CNBD1: variants seen among roughly 807,000 people sequenced by gnomAD.
The protein encoded by CNBD1 is cyclic nucleotide binding domain containing 1.
Under a neutral mutation model 54.4 loss-of-function variants are expected in CNBD1, and 71 were observed. The observed-to-expected ratio is 1.30, with a 90% CI of 1.08 to 1.59. The LOEUF (loss-of-function observed/expected upper bound fraction) is 1.59. Among genes scored for constraint, CNBD1 ranks in the 40% most tolerant of loss-of-function variants. The pLI, the probability that CNBD1 is intolerant of heterozygous loss-of-function variation, is 0.00. For synonymous variants in CNBD1, 182 were observed against 170.7 expected (o/e 1.07, Z -0.51); for missense variants, 659 against 518.0 (o/e 1.27, Z -2.64).
chr8:87,111,063 C>T (rs894941335), intron 4 of CNBD1, among the ~76,000 whole-genome samples: 8 of 152,184 alleles, frequency 5.3e-5, no homozygotes, highest in Non-Finnish European at 1.2e-4. Context: ...ATAATGAGAG[C>T]TATCACTTCT....
intron 2 of CNBD1, among the ~76,000 whole-genome samples, chr8:87,426,532 A>G (rs897893723): frequency 6.6e-6 from 1 of 152,204 alleles, no homozygotes. Context: ...TAAAAACAAT[A>G]ACAGAAACTT....
chr8:87,043,216 A>G (rs1016814656), intron 4 of CNBD1, among the ~76,000 whole-genome samples: 4 of 152,102 alleles, frequency 2.6e-5, no homozygotes, highest in East Asian at 1.9e-4. Flanking sequence ...GTTGTTTGCA[A>G]TTAGCCTTCT....
intron 5 of CNBD1, among the ~76,000 whole-genome samples, chr8:87,219,494 C>T (rs1814280512): frequency 6.6e-6 from 1 of 151,882 alleles, no homozygotes; most frequent in Admixed American, 6.6e-5. Context: ...ATGAATACAT[C>T]CTAATGACAG....
intron 8 of CNBD1, among the ~76,000 whole-genome samples, chr8:87,317,354 A>G (rs1462512002): frequency 2.0e-5 from 3 of 151,650 alleles, no homozygotes; most frequent in Admixed American, 2.0e-4. Context: ...TTTGATGTAT[A>G]CACACATTTT....
chr8:86,995,744 C>A (rs1808857539), intron 4 of CNBD1, among the ~76,000 whole-genome samples: 2 of 151,568 alleles, frequency 1.3e-5, no homozygotes, highest in Admixed American at 6.6e-5. Flanking sequence ...GTCAAAAACA[C>A]AATGGAATGA....
rs79757736 is a variant in CNBD1, at chr8:86,920,256, A to T, written c.272+15062A>T. Among the ~76,000 whole-genome samples the T allele has an allele frequency of 2.6e-3, 394 of 152,288 alleles. 12 individuals carry two copies. In the East Asian group the frequency reaches 0.069, roughly 27 times the overall value. On this transcript the variant is annotated intron_variant, in intron 3 of 10. Transcript: ENST00000518476. ...TTTTTTTGGTATATTTTAATTTAGG[A>T]TCTTTTAAAGAAGTCCAACCAGTAG...
At chr8:87,134,891 G>C (rs1159342179) in intron 4 of CNBD1, among the ~76,000 whole-genome samples, 2 of 151,996 alleles carry the variant, frequency 1.3e-5, no homozygotes, top group African/African-American at 2.4e-5. Flanking sequence ...TTACAGGCGT[G>C]AGCCACCACG....
chr8:87,025,212 C>T, intron 4 of CNBD1, among the ~76,000 whole-genome samples: 1 of 152,196 alleles, frequency 6.6e-6, no homozygotes, highest in African/African-American at 2.4e-5. Flanking sequence ...TAAAATGGAC[C>T]AATCAGCGCT....
At chr8:86,984,215 CTG>C (rs1808553880) in intron 4 of CNBD1, among the ~76,000 whole-genome samples, 2 of 152,286 alleles carry the variant, frequency 1.3e-5, no homozygotes, top group South Asian at 4.1e-4. Context: ...GATATTGAGT[CTG>C]TGAGTGCACA....
rs979941214 is a variant in CNBD1 at position 87,243,865 on chromosome 8, A to G, written c.771+6753A>G. On this transcript the variant is annotated intron_variant, in intron 6 of 10. Transcript: ENST00000518476. ...TAATATATATATGCAGTGAAAAAAG[A>G]CACAGAATGTGATTTGCTGTTTAGT... Among the ~76,000 whole-genome samples the G allele has an allele frequency of 2.6e-5, 4 of 152,308 alleles. No homozygotes were observed. The East Asian group carries it at 7.7e-4, about 29-fold the overall frequency.
At chr8:87,155,777 C>T (rs1388318220) in intron 4 of CNBD1, among the ~76,000 whole-genome samples, 3 of 152,090 alleles carry the variant, frequency 2.0e-5, no homozygotes, top group Non-Finnish European at 4.4e-5. Context: ...TTGATTAATT[C>T]GTGGTACTCA....
chr8:87,227,066 T>A (rs1814516580), intron 5 of CNBD1, among the ~76,000 whole-genome samples: 1 of 151,596 alleles, frequency 6.6e-6, no homozygotes, highest in African/African-American at 2.4e-5. Flanking sequence ...TTGCAACCCC[T>A]GCCTTTTTTT....
chr8:86,881,488 A>T (rs1008229426), intron 1 of CNBD1, among the ~76,000 whole-genome samples: 13 of 152,214 alleles, frequency 8.5e-5, no homozygotes, highest in African/African-American at 2.9e-4. Context: ...TACAAGGAGA[A>T]CTATAAACAA....
chr8:86,975,469 G>A (rs1808320265), intron 4 of CNBD1, among the ~76,000 whole-genome samples: 1 of 151,976 alleles, frequency 6.6e-6, no homozygotes, highest in South Asian at 2.1e-4. Context: ...ATATAGGTGA[G>A]ATCATTGAGT....
At chr8:87,189,476 T>C (rs1251776880) in intron 4 of CNBD1, among the ~76,000 whole-genome samples, 1 of 152,218 alleles carries the variant, frequency 6.6e-6, no homozygotes, top group Non-Finnish European at 1.5e-5. Context: ...TATAGTATTC[T>C]GGTGGGTATA....
intron 10 of CNBD1, among the ~76,000 whole-genome samples, chr8:87,368,448 C>T (rs1288263901): frequency 6.6e-6 from 1 of 151,746 alleles, no homozygotes; most frequent in South Asian, 2.1e-4. Context: ...CTAGACTGGG[C>T]AACATAGTGA....
chr8:87,237,249 A>G, intron 6 of CNBD1, 137 bp downstream of exon 6: 1 of 480,338 alleles, frequency 2.1e-6, no homozygotes, highest in Non-Finnish European at 3.6e-6. Context: ...TAAAATATAA[A>G]TGATATTATT....
chr8:87,203,733 G>T (rs1432915064), intron 4 of CNBD1, among the ~76,000 whole-genome samples: 1 of 152,070 alleles, frequency 6.6e-6, no homozygotes, highest in Non-Finnish European at 1.5e-5. Context: ...TCCCCATCAA[G>T]AATGAATATG....
chr8:87,428,156 AAAAAAAAAAGTCAG>A (rs1808082347), intron 2 of CNBD1, among the ~76,000 whole-genome samples: 1 of 140,198 alleles, frequency 7.1e-6, no homozygotes, highest in Admixed American at 7.1e-5. Flanking sequence ...CAAAAAAAGA[AAAAAAAAAAGTCAG>A]AAAAACAAAA....
Sources: gnomAD v4.1 joint callset for allele counts (sites outside exome capture counted in the v4.1 genomes callset) on GRCh38, gnomAD v4.1.1 for gene constraint, MANE v1.5 for transcripts, NCBI Gene and HGNC (gene_info 2026-07-23, HGNC 2026-07-21) for gene names.